Variants in TRIB3 observed in about 807,000 individuals in gnomAD.
The protein encoded by TRIB3 is tribbles homolog 3.
TRIB3 carries 20 observed loss-of-function variants against 16.6 expected under a neutral mutation model. The ratio of observed to expected loss-of-function variants is 1.20; its 90% CI spans 0.85 to 1.75. The LOEUF (loss-of-function observed/expected upper bound fraction) is 1.75, where lower values mean the gene tolerates loss of function less well. TRIB3 is among the 40% of genes most tolerant of loss of function. The pLI is 0.00. For synonymous variants in TRIB3, 208 were observed against 217.0 expected (o/e 0.96, Z 0.36); for missense variants, 484 against 488.9 (o/e 0.99, Z 0.10).
chr20:386,682 C>T (rs1169061412), intron 1 of TRIB3, among the ~76,000 whole-genome samples: 3 of 152,116 alleles, frequency 2.0e-5, no homozygotes, highest in Non-Finnish European at 4.4e-5. Context: ...AAGTGATTCT[C>T]CTGTCTCAGC....
In TRIB3 at chr20:391,384, C is replaced by T. The variant is rs370735737; in HGVS notation, c.389C>T (p.Thr130Ile). 29 of 1,613,638 alleles carry T rather than the reference C, an allele frequency of 1.8e-5. No individual in the cohort carries two copies. In the African/African-American group the frequency reaches 3.5e-4, roughly 19 times the overall value. The part of the protein sequence containing the change: ...VARPTEVLAG[T>I]QLLYAFFTRT... ...CGGCCCACTGAGGTCCTGGCTGGTA[C>T]CCAGCTCCTCTACGCCTTTTTCACT... The change falls in exon 3 of 4, where the codon ACC becomes ATC. Residue 130 changes from threonine to isoleucine, a missense_variant. Transcript: ENST00000217233.
intron 1 of TRIB3, among the ~76,000 whole-genome samples, chr20:383,096 C>T (rs2014707412): frequency 6.6e-6 from 1 of 152,150 alleles, no homozygotes; most frequent in South Asian, 2.1e-4. Flanking sequence ...ACCCGTCTGC[C>T]CTGACCATGC....
intron 3 of TRIB3, among the ~76,000 whole-genome samples, chr20:392,788 C>A (rs548289415): frequency 2.6e-5 from 4 of 152,100 alleles, no homozygotes; most frequent in Non-Finnish European, 4.4e-5. Context: ...GAACTCTTGA[C>A]CTTAGGTGAT....
In TRIB3 at chr20:388,298, C is replaced by T. The variant is rs1300188457; in HGVS notation, c.288C>T (p.Cys96=). 2.5e-6 allele frequency: 4 copies of T among 1,606,462 alleles called. No individual in the cohort carries two copies. The African/African-American group carries it at 5.3e-5, about 21-fold the overall frequency. Residue 96 remains cysteine, a synonymous_variant, in exon 2 of 4, where the codon TGC becomes TGT. Transcript: ENST00000217233. ...LHCPTGTEYT[C]KVYPVQEALA... is the part of the protein sequence containing the mutation. ...GCCCTACAGGCACTGAGTATACCTG[C>T]AAGGTACGTGCCCATGGGCGGCTGT...
intron 1 of TRIB3, among the ~76,000 whole-genome samples, chr20:382,250 C>T (rs2014681926): frequency 6.6e-6 from 1 of 152,218 alleles, no homozygotes; most frequent in South Asian, 2.1e-4. Flanking sequence ...AGATTCTATT[C>T]TGCAGTGTGG....
intron 1 of TRIB3, among the ~76,000 whole-genome samples, chr20:386,937 G>A (rs981685955): frequency 6.6e-6 from 1 of 151,828 alleles, no homozygotes; most frequent in Non-Finnish European, 1.5e-5. Context: ...TTTTTTAGTA[G>A]AGACAGGGTT....
At chr20:392,658 G>A (rs956647916) in intron 3 of TRIB3, among the ~76,000 whole-genome samples, 2 of 151,122 alleles carry the variant, frequency 1.3e-5, no homozygotes, top group Non-Finnish European at 3.0e-5. Flanking sequence ...CTGGGTTCAA[G>A]TGATACGCCT....
intron 3 of TRIB3, among the ~76,000 whole-genome samples, chr20:395,109 T>G (rs2122706018): frequency 1.3e-5 from 2 of 152,172 alleles, no homozygotes; most frequent in East Asian, 3.9e-4. Flanking sequence ...AAAGTCATCT[T>G]TGAGTGCTCA....
chr20:387,861 C>A, intron 1 of TRIB3, 150 bp from the exon 2 acceptor site: 3 of 893,654 alleles, frequency 3.4e-6, no homozygotes, highest in South Asian at 1.9e-5. Context: ...AGAAGTGGGG[C>A]ACCCAGTTAA....
chr20:388,920 C>T (rs576161851), intron 2 of TRIB3, among the ~76,000 whole-genome samples: 3 of 152,142 alleles, frequency 2.0e-5, no homozygotes. Flanking sequence ...AGGAGAAGGG[C>T]CATGCGTGAA....
At chr20:387,944 C>A (rs2014863261) in intron 1 of TRIB3, 67 bp from the exon 2 acceptor site, 2 of 1,547,684 alleles carry the variant, frequency 1.3e-6, no homozygotes, top group Non-Finnish European at 1.8e-6. Flanking sequence ...CGTATCCTCC[C>A]ACCAGCAGGG....
At chr20:393,561 C>T (rs946770279) in intron 3 of TRIB3, among the ~76,000 whole-genome samples, 1 of 152,164 alleles carries the variant, frequency 6.6e-6, no homozygotes, top group African/African-American at 2.4e-5. Context: ...AAGCAATCTG[C>T]CTGCCTCAGC....
At chr20:384,464 A>AGTG (rs370277683) in intron 1 of TRIB3, among the ~76,000 whole-genome samples, 236 of 152,198 alleles carry the variant, frequency 1.6e-3, no homozygotes, top group African/African-American at 5.3e-3. Flanking sequence ...CCCAGGCTCA[A>AGTG]GTGATTCTCC....
At chr20:387,517 C>T (rs2014850452) in intron 1 of TRIB3, among the ~76,000 whole-genome samples, 1 of 150,630 alleles carries the variant, frequency 6.6e-6, no homozygotes, top group East Asian at 1.9e-4. Context: ...CACTTGAGGC[C>T]ACGAGTTTGA....
intron 1 of TRIB3, among the ~76,000 whole-genome samples, chr20:386,271 T>C (rs1248154285): frequency 6.6e-6 from 1 of 152,136 alleles, no homozygotes; most frequent in Non-Finnish European, 1.5e-5. Flanking sequence ...GTTAAGTGAA[T>C]GAACAAGATC....
Position 391,513 on chromosome 20 carries a change from G to T in TRIB3, c.518G>T (p.Cys173Phe). The change falls in exon 3 of 4, where the codon TGT becomes TTT. Residue 173 changes from cysteine to phenylalanine, a missense_variant. By Grantham distance (205) the Cys-to-Phe change is radical. Coordinates refer to ENST00000217233, the MANE Select transcript of TRIB3 (RefSeq NM_021158.5). ...FRQMATALAH[C>F]HQHGLVLRDL... is the part of the protein sequence containing the mutation. ...CAGATGGCCACCGCCCTGGCGCACT[G>T]TCACCAGCACGGTCTGGTCCTGCGT... 6.2e-7 allele frequency: 1 copy of T among 1,613,740 alleles called. No homozygotes were observed. The highest frequency in any genetic ancestry group is 1.1e-5 in the South Asian group (1 of 91,078).
chr20:388,450 T>G, intron 2 of TRIB3, 149 bp downstream of exon 2: 3 of 1,090,640 alleles, frequency 2.8e-6, no homozygotes, highest in East Asian at 2.6e-5. Flanking sequence ...CCTGCTGGAC[T>G]GATACTAGAG....
chr20:386,818 C>A (rs889734215), intron 1 of TRIB3, among the ~76,000 whole-genome samples: 5 of 151,748 alleles, frequency 3.3e-5, no homozygotes, highest in Non-Finnish European at 7.4e-5. Flanking sequence ...TGATCCACCA[C>A]CTTGGCCTCC....
At position 381,877 on chromosome 20, in the gene TRIB3, T is replaced by C. The variant is rs567739667; in HGVS notation, c.-1+708T>C. ...GCGCGCGTGTCTGCGGTGTGTGCTG[T>C]GCCTGCAGACCGGGGAGGGCGGGGG... is the stretch of plus-strand genomic sequence containing the variant. On this transcript the variant is annotated intron_variant, in intron 1 of 3. Coordinates refer to ENST00000217233, the MANE Select transcript of TRIB3 (RefSeq NM_021158.5). Among the ~76,000 whole-genome samples, 13 of 152,216 alleles carry C rather than the reference T, an allele frequency of 8.5e-5. No individual in the cohort carries two copies. In the South Asian group the frequency reaches 2.7e-3, roughly 32 times the overall value.
Sources: gnomAD v4.1 joint callset for allele counts (sites outside exome capture counted in the v4.1 genomes callset) on GRCh38, gnomAD v4.1.1 for gene constraint, MANE v1.5 for transcripts, NCBI Gene and HGNC (gene_info 2026-07-23, HGNC 2026-07-21) for gene names.